The following SP1 variants were observed in gnomAD, a reference collection of about 807,000 sequenced individuals.
SP1 encodes the protein Sp1 transcription factor, also known as transcription factor Sp1.
A neutral mutation model predicts 66.3 loss-of-function variants in SP1; 6 were observed. The observed-to-expected ratio is 0.09, with a 90% CI of 0.05 to 0.18. The LOEUF (loss-of-function observed/expected upper bound fraction) is 0.18. Ranked by LOEUF, SP1 falls within the 10% of genes least tolerant of loss-of-function variation. The pLI is 1.00. For missense variants in SP1, 848 were observed against 964.5 expected (o/e 0.88, Z 1.60); for synonymous variants, 417 against 360.8 (o/e 1.16, Z -1.77).
Position 53,383,465 on chromosome 12 carries a change from C to G in SP1, c.1518C>G (p.Ala506=), listed in dbSNP as rs143396403. 1 of 1,614,244 alleles carries G rather than the reference C, an allele frequency of 6.2e-7. No individual in the cohort carries two copies. The highest frequency in any genetic ancestry group is 1.7e-5 in the Admixed American group (1 of 60,014). Residue 506 remains alanine, a synonymous_variant, in exon 3 of 6, where the codon GCC becomes GCG. Coordinates refer to ENST00000327443, the MANE Select transcript of SP1 (RefSeq NM_138473.3). The part of the protein sequence containing the change: ...SSSNTTLTPI[A]SAASIPAGTV... ...GCAACACCACTCTCACACCCATTGC[C>G]TCAGCTGCTTCCATTCCTGCTGGCA...
Position 53,412,781 on chromosome 12 carries a change from T to A in SP1, c.*1541T>A, listed in dbSNP as rs1938920994. 6.6e-6 allele frequency: 1 copy of A among 152,602 alleles called. No individual in the cohort carries two copies. Among genetic ancestry groups the A allele is most frequent in the Non-Finnish European group, 1.5e-5 (1 of 68,046 alleles). The allele number at this position is 152,602 out of a possible 1,614,324, so 9.5% of individuals were successfully genotyped here. ...TCAGAAGAGACTGATCCAAAAATTA[T>A]AACGGCAGGGAACCTAGTGCATTTG... On this transcript the variant is annotated 3_prime_UTR_variant, in exon 6 of 6. Transcript: ENST00000327443.
In SP1 at chr12:53,383,238, T is replaced by C; in HGVS notation, c.1291T>C (p.Ser431Pro). The change falls in exon 3 of 6, where the codon TCC becomes CCC. Residue 431 changes from serine to proline, a missense_variant. Ser to Pro is a moderately conservative substitution (Grantham distance 74, BLOSUM62 -1). Transcript: ENST00000327443. ...GCAGACCTTTACAACTCAAGCCATC[T>C]CCCAGGAAACCCTCCAGAACCTCCA... The part of the protein sequence containing the change: ...SGQTFTTQAI[S>P]QETLQNLQLQ... The C allele has an allele frequency of 6.2e-7, 1 of 1,614,126 alleles. No homozygotes were observed. Among genetic ancestry groups the C allele is most frequent in the Non-Finnish European group, 8.5e-7 (1 of 1,180,028 alleles).
At position 53,413,884 on chromosome 12, in the gene SP1, C is replaced by T. The variant is rs1009213931; in HGVS notation, c.*2644C>T. 1 of 152,172 alleles carries T rather than the reference C, an allele frequency of 6.6e-6. No homozygotes were observed. Among genetic ancestry groups the T allele is most frequent in the Admixed American group, 6.6e-5 (1 of 15,264 alleles). The allele number at this position is 152,172 out of a possible 1,614,324, so 9.4% of individuals were successfully genotyped here. ...GAAAAGCTGCTGGTTTACCCTCAAC[C>T]CTATTCATTAGCATTACCATGAGTG... On this transcript the variant is annotated 3_prime_UTR_variant, in exon 6 of 6. Transcript: ENST00000327443.
intron 1 of SP1, 196 bp downstream of exon 1, chr12:53,380,494 C>T: frequency 2.0e-6 from 1 of 505,162 alleles, no homozygotes; most frequent in Non-Finnish European, 3.0e-6. Flanking sequence ...GGGGGATGGG[C>T]CGCCCGCCCC....
chr12:53,410,166 G>A (rs1209824645), intron 5 of SP1, among the ~76,000 whole-genome samples: 5 of 151,576 alleles, frequency 3.3e-5, no homozygotes, highest in East Asian at 3.9e-4. Flanking sequence ...ATAGTCAAGC[G>A]TGCTGGTGCA....
chr12:53,406,609 T>G lies in SP1; in HGVS notation c.1700T>G (p.Leu567Arg), dbSNP rs762605061. The change falls in exon 4 of 6, where the codon CTC (leucine) becomes CGC (arginine). Residue 567 changes from leucine to arginine, a missense_variant. Coordinates refer to ENST00000327443, the MANE Select transcript of SP1 (RefSeq NM_138473.3). Reference protein sequence around the residue: ...APGDHGAQLGLHGAGGDGIHD... With the variant: ...APGDHGAQLGRHGAGGDGIHD... Reference sequence around the variant, plus strand: ...GGTGATCATGGAGCTCAGCTTGGTCTCCATGGGGCTGGTGGTGATGGAATA... The same window carrying G: ...GGTGATCATGGAGCTCAGCTTGGTCGCCATGGGGCTGGTGGTGATGGAATA... 2.5e-6 allele frequency: 4 copies of G among 1,613,964 alleles called. No individual in the cohort carries two copies. Among genetic ancestry groups the G allele is most frequent in the Non-Finnish European group, 3.4e-6 (4 of 1,179,986 alleles).
intron 3 of SP1, among the ~76,000 whole-genome samples, chr12:53,392,105 A>T (rs1041249474): frequency 2.6e-5 from 4 of 152,086 alleles, no homozygotes; most frequent in African/African-American, 9.7e-5. Flanking sequence ...ACAACTTTGG[A>T]TGTGCATATC....
rs144498107 is a variant in SP1 at position 53,394,796 on chromosome 12, A to G, written c.1675+11174A>G. ...TGCCCAGCTAATTTTTTGTATTTTT[A>G]GTGGAGATGGGTTTTCACCGTGTTA... On this transcript the variant is annotated intron_variant, in intron 3 of 5. Transcript: ENST00000327443. Among the ~76,000 whole-genome samples, 122 of 150,894 alleles carry G rather than the reference A, an allele frequency of 8.1e-4. 1 individual carries two copies. In the East Asian group the frequency reaches 0.023, roughly 29 times the overall value.
At chr12:53,406,269 G>A (rs1025736359) in intron 3 of SP1, among the ~76,000 whole-genome samples, 3 of 151,630 alleles carry the variant, frequency 2.0e-5, no homozygotes, top group African/African-American at 2.4e-5. Flanking sequence ...GGATTTCTCC[G>A]TATTGGTCAG....
intron 3 of SP1, among the ~76,000 whole-genome samples, chr12:53,402,131 T>A (rs1476712100): frequency 6.6e-6 from 1 of 151,962 alleles, no homozygotes; most frequent in African/African-American, 2.4e-5. Flanking sequence ...AACCCTGTAC[T>A]CCAGTACATT....
intron 1 of SP1, 74 bp from the exon 2 acceptor site, chr12:53,381,585 G>C (rs1341098304): frequency 7.3e-7 from 1 of 1,369,346 alleles, no homozygotes; most frequent in Non-Finnish European, 9.9e-7. Context: ...TTTCATCATA[G>C]CCTCCTTTTA....
rs754411404 is a variant in SP1, at chr12:53,382,652, T to C, written c.705T>C (p.Ala235=). 5.0e-6 allele frequency: 8 copies of C among 1,614,186 alleles called. No homozygotes were observed. In the Admixed American group the frequency reaches 1.2e-4, roughly 24 times the overall value. ...CTATGCCAAACCTACTCCAGCAGGC[T>C]GTCCCCCTCCAAGGCCTGGCTAATA... ...IAAMPNLLQQ[A]VPLQGLANNV... The change falls in exon 3 of 6, where the codon GCT becomes GCC. Residue 235 remains alanine, a synonymous_variant. Coordinates refer to ENST00000327443, the MANE Select transcript of SP1 (RefSeq NM_138473.3).
rs1427617356 is a variant in SP1, at chr12:53,411,319, A to G, written c.*79A>G. 10 of 1,169,388 alleles carry G rather than the reference A, an allele frequency of 8.6e-6. No homozygotes were observed. The highest frequency in any genetic ancestry group is 8.6e-6 in the Non-Finnish European group (7 of 818,682). The allele number at this position is 1,169,388 out of a possible 1,614,324, so 72.4% of individuals were successfully genotyped here. A position where few individuals can be genotyped will look rare whatever the true frequency, so the allele number is the denominator to read the frequency against. On this transcript the variant is annotated 3_prime_UTR_variant, in exon 6 of 6. Coordinates refer to ENST00000327443, the MANE Select transcript of SP1 (RefSeq NM_138473.3). ...GCAAGGTAGCATGGGTCCAAGAGACATGGAAGAGAGAGCCATGAAGCATTA... is the reference window on the plus strand; with the variant it reads ...GCAAGGTAGCATGGGTCCAAGAGACGTGGAAGAGAGAGCCATGAAGCATTA...
intron 3 of SP1, among the ~76,000 whole-genome samples, chr12:53,403,121 G>A (rs1020012841): frequency 2.6e-5 from 4 of 151,978 alleles, no homozygotes; most frequent in Non-Finnish European, 2.9e-5. Context: ...CTCCCACTCC[G>A]TCTCAAGAAA....
At chr12:53,409,715 AGAAG>A (rs1262976407) in intron 5 of SP1, among the ~76,000 whole-genome samples, 154 bp downstream of exon 5, 1 of 152,256 alleles carries the variant, frequency 6.6e-6, no homozygotes. Flanking sequence ...AAAATTTTTA[AGAAG>A]GAAGGAGGGG....
Position 53,411,156 on chromosome 12 carries a change from C to G in SP1, c.2274C>G (p.Gly758=), listed in dbSNP as rs199949365. ...MVAMEAICPE[G]IARLANSGIN... ...CCATGGAGGCCATCTGTCCAGAGGG[C>G]ATTGCCCGTCTTGCCAACAGTGGCA... is the stretch of plus-strand genomic sequence containing the variant. Residue 758 remains glycine (G), a synonymous_variant, in exon 6 of 6, where the codon GGC becomes GGG. Coordinates refer to ENST00000327443, the MANE Select transcript of SP1 (RefSeq NM_138473.3). 1.4e-4 allele frequency: 218 copies of G among 1,614,032 alleles called. No homozygotes were observed. Among genetic ancestry groups the G allele is most frequent in the Non-Finnish European group, 1.7e-4 (204 of 1,180,044 alleles).
chr12:53,409,315 T>C, intron 4 of SP1, 47 bp from the exon 5 acceptor site: 1 of 1,511,656 alleles, frequency 6.6e-7, no homozygotes, highest in Non-Finnish European at 9.1e-7. Context: ...TGTGGTTCTT[T>C]AGTTTTCTCT....
rs1240946291 is a variant in SP1 at position 53,399,641 on chromosome 12, TA to T, written c.1676-6943del. Among the ~76,000 whole-genome samples, 623 of 138,918 alleles carry T rather than the reference TA, an allele frequency of 4.5e-3. 2 individuals carry two copies. The highest frequency in any genetic ancestry group is 8.0e-3 in the Non-Finnish European group (513 of 64,070). The allele number at this position is 138,918 out of a possible 152,430, so 91.1% of individuals were successfully genotyped here. ...CCACCGCGCCCTGCCTTATTTGTTT[TA>T]TTTTTTTTTTTGAGATGGAGTTTCA... On this transcript the variant is annotated intron_variant, in intron 3 of 5. Coordinates refer to ENST00000327443, the MANE Select transcript of SP1 (RefSeq NM_138473.3).
At chr12:53,402,917 G>A (rs1049133415) in intron 3 of SP1, among the ~76,000 whole-genome samples, 4 of 151,620 alleles carry the variant, frequency 2.6e-5, no homozygotes, top group African/African-American at 9.7e-5. Flanking sequence ...AGGTTGCAGT[G>A]AGTCAAGGTC....
Sources: gnomAD v4.1 joint callset for allele counts (sites outside exome capture counted in the v4.1 genomes callset) on GRCh38, gnomAD v4.1.1 for gene constraint, MANE v1.5 for transcripts, NCBI Gene and HGNC (gene_info 2026-07-23, HGNC 2026-07-21) for gene names.